The following CYYR1 variants were observed in gnomAD, a reference collection of about 807,000 sequenced individuals.
The protein encoded by CYYR1 is cysteine and tyrosine-rich protein 1.
In CYYR1, 14 loss-of-function variants were observed where a neutral mutation model predicts 15.2. That is an observed-to-expected ratio of 0.92 (90% CI 0.61 to 1.44). The LOEUF (loss-of-function observed/expected upper bound fraction) is 1.44, where lower values mean the gene tolerates loss of function less well. Among genes scored for constraint, CYYR1 ranks in the 40% most tolerant of loss-of-function variants. The pLI is 0.00. For synonymous variants in CYYR1, 80 were observed against 77.4 expected (o/e 1.03, Z -0.18); for missense variants, 228 against 209.5 (o/e 1.09, Z -0.54).
At chr21:26,505,301 A>G (rs2065540674) in intron 2 of CYYR1, among the ~76,000 whole-genome samples, 1 of 152,208 alleles carries the variant, frequency 6.6e-6, no homozygotes, top group African/African-American at 2.4e-5. Flanking sequence ...ATCCCCAAGC[A>G]TGTAAAAAGT....
intron 2 of CYYR1, among the ~76,000 whole-genome samples, chr21:26,535,896 A>G (rs1191159205): frequency 2.0e-5 from 3 of 152,194 alleles, no homozygotes; most frequent in African/African-American, 7.2e-5. Flanking sequence ...AAGTTGCCAG[A>G]GAAGCATGAG....
At chr21:26,551,242 C>T (rs1201293574) in intron 2 of CYYR1, 2 of 152,586 alleles carry the variant, frequency 1.3e-5, no homozygotes, top group Non-Finnish European at 2.9e-5. Flanking sequence ...TGGACCTGGT[C>T]ACCCAAGAGC....
chr21:26,552,480 GAT>G (rs943639998), intron 2 of CYYR1, among the ~76,000 whole-genome samples: 3 of 152,126 alleles, frequency 2.0e-5, no homozygotes, highest in African/African-American at 7.2e-5. Context: ...TGTAATTATT[GAT>G]ATGTTTGAAT....
chr21:26,495,546 A>G (rs1478819437), intron 2 of CYYR1, among the ~76,000 whole-genome samples: 1 of 139,474 alleles, frequency 7.2e-6, no homozygotes, highest in African/African-American at 2.5e-5. Context: ...TTAGACTCCA[A>G]CTGCACAAAG....
chr21:26,558,864 C>T (rs1979993504), intron 2 of CYYR1, among the ~76,000 whole-genome samples: 1 of 152,144 alleles, frequency 6.6e-6, no homozygotes, highest in Non-Finnish European at 1.5e-5. Context: ...ACTCTATCCA[C>T]TTGGTCTTCT....
At chr21:26,530,065 T>C (rs2065912870) in intron 2 of CYYR1, among the ~76,000 whole-genome samples, 1 of 152,138 alleles carries the variant, frequency 6.6e-6, no homozygotes. Context: ...AATAAACCAT[T>C]CTTCTATCAG....
intron 2 of CYYR1, among the ~76,000 whole-genome samples, chr21:26,508,490 T>G (rs1238424420): frequency 6.6e-6 from 1 of 152,182 alleles, no homozygotes; most frequent in African/African-American, 2.4e-5. Context: ...ATCTTTGCGG[T>G]TTCTGACTTA....
intron 3 of CYYR1, chr21:26,471,577 A>T (rs552596745): frequency 6.6e-6 from 1 of 152,226 alleles, no homozygotes; most frequent in Non-Finnish European, 1.5e-5. Flanking sequence ...ACGCATCAAG[A>T]TATAAACATG....
chr21:26,511,547 T>C (rs1002164190), intron 2 of CYYR1, among the ~76,000 whole-genome samples: 1 of 152,228 alleles, frequency 6.6e-6, no homozygotes, highest in Non-Finnish European at 1.5e-5. Flanking sequence ...AGAAGTTCAC[T>C]GAATCGATAT....
At chr21:26,503,499 C>T (rs2065510637) in intron 2 of CYYR1, 1 of 152,096 alleles carries the variant, frequency 6.6e-6, no homozygotes, top group Non-Finnish European at 1.5e-5. Flanking sequence ...CTCTCTTCAA[C>T]ACACTATAAT....
chr21:26,503,775 A>C (rs1208148592), intron 2 of CYYR1: 5 of 152,210 alleles, frequency 3.3e-5, no homozygotes, highest in South Asian at 2.1e-4. Flanking sequence ...TAACAGCTCA[A>C]GTATAGGATG....
rs1288843097 is a variant in CYYR1, at chr21:26,493,218, C to T, written c.177-12789G>A. ...TGGGTGGGGTCTTCTGGATAAGGAA[C>T]GTCTTTAATAATACTGTAAAGAACT... On this transcript the variant is annotated intron_variant, in intron 2 of 3. Transcript: ENST00000652641. 2.6e-5 allele frequency among the ~76,000 whole-genome samples: 4 copies of T among 152,178 alleles called. No individual in the cohort carries two copies. The South Asian group carries it at 8.3e-4, about 32-fold the overall frequency.
intron 2 of CYYR1, among the ~76,000 whole-genome samples, chr21:26,515,954 T>C (rs1310041517): frequency 6.6e-6 from 1 of 152,158 alleles, no homozygotes; most frequent in African/African-American, 2.4e-5. Context: ...TGCAATTCTT[T>C]CTGGTCCCTG....
chr21:26,544,795 A>G (rs1262709962), intron 2 of CYYR1, among the ~76,000 whole-genome samples: 2 of 152,080 alleles, frequency 1.3e-5, no homozygotes, highest in Non-Finnish European at 2.9e-5. Context: ...ATATTTAAAT[A>G]ATAAGAAAGG....
At chr21:26,480,203 CCTT>C (rs2065155507) in intron 3 of CYYR1, 66 bp downstream of exon 3, 2 of 1,451,090 alleles carry the variant, frequency 1.4e-6, no homozygotes, top group Admixed American at 4.7e-5. Flanking sequence ...TAGAATGTTT[CCTT>C]CTCTCTGTGA....
At chr21:26,535,272 A>G (rs547333103) in intron 2 of CYYR1, among the ~76,000 whole-genome samples, 1 of 152,288 alleles carries the variant, frequency 6.6e-6, no homozygotes, top group East Asian at 1.9e-4. Flanking sequence ...AAATTATTTT[A>G]AAAAATTAAA....
At chr21:26,565,479 A>AG (rs1980547137) in intron 2 of CYYR1, among the ~76,000 whole-genome samples, 1 of 152,186 alleles carries the variant, frequency 6.6e-6, no homozygotes, top group Non-Finnish European at 1.5e-5. Flanking sequence ...ATTTTGACTC[A>AG]AGAAATTCTT....
At chr21:26,515,898 C>T (rs2065721977) in intron 2 of CYYR1, among the ~76,000 whole-genome samples, 1 of 152,074 alleles carries the variant, frequency 6.6e-6, no homozygotes, top group Non-Finnish European at 1.5e-5. Context: ...AGTTTGTTTC[C>T]ACACTAGCCC....
chr21:26,477,794 T>C (rs2065123507), intron 3 of CYYR1: 2 of 984,664 alleles, frequency 2.0e-6, no homozygotes, highest in South Asian at 4.7e-5. Flanking sequence ...TCTTGGGTTA[T>C]GGTTTGACCA....
Sources: allele counts gnomAD v4.1 joint callset (sites outside exome capture counted in the v4.1 genomes callset), GRCh38; gene constraint gnomAD v4.1.1; transcripts MANE v1.5; gene names NCBI Gene and HGNC (gene_info 2026-07-23, HGNC 2026-07-21).